Variants in ARHGEF1 observed in about 807,000 individuals in gnomAD.
The protein encoded by ARHGEF1 is 115 kDa guanine nucleotide exchange factor.
In ARHGEF1, 40 loss-of-function variants were observed where a neutral mutation model predicts 119.7. The ratio of observed to expected loss-of-function variants is 0.33; its 90% CI spans 0.26 to 0.44. The LOEUF (loss-of-function observed/expected upper bound fraction) is 0.44. ARHGEF1 is among the 20% of genes least tolerant of loss of function. ARHGEF1 has a pLI of 1.00. For missense variants in ARHGEF1, 976 were observed against 1,268.3 expected, an observed-to-expected ratio of 0.77 and a Z score of 3.50; for synonymous variants, 494 against 521.0, an observed-to-expected ratio of 0.95 and a Z score of 0.71.
Position 41,903,247 on chromosome 19 carries a change from G to A in ARHGEF1, c.1739-60G>A. On this transcript the variant is annotated intron_variant, in intron 18 of 28. Transcript: ENST00000354532. This position sits in a 1 kb window ranked among gnomAD's most constrained non-coding sequence, Gnocchi z 4.2. ...AGCTGTCCTTTGTCTAACCTTGGCT[G>A]CCCAATCTGGAGCCTCCAGGGCAGG... The A allele has an allele frequency of 6.6e-7, 1 of 1,513,750 alleles. No individual in the cohort carries two copies. The highest frequency in any genetic ancestry group is 1.1e-5 in the South Asian group (1 of 88,242). 93.8% of individuals were successfully genotyped at this position (1,513,750 alleles called of 1,614,324 possible).
intron 14 of ARHGEF1, among the ~76,000 whole-genome samples, chr19:41,899,950 T>C (rs1422585332): frequency 6.6e-6 from 1 of 151,664 alleles, no homozygotes; most frequent in African/African-American, 2.4e-5. Context: ...AGCCATGTGC[T>C]ACCCATTAGG....
chr19:41,894,123 A>AGAGTGTGTGTGTGAGTGTGTGT lies in ARHGEF1; in HGVS notation c.645-83_645-82insAGTGTGTGTGTGAGTGTGTGTG, dbSNP rs1555846909. 2.3e-4 allele frequency: 151 copies of AGAGTGTGTGTGTGAGTGTGTGT among 650,248 alleles called. No homozygotes were observed. The African/African-American group carries it at 4.8e-3, about 21-fold the overall frequency. 40.3% of individuals were successfully genotyped at this position (650,248 alleles called of 1,614,324 possible). A position where few individuals can be genotyped will look rare whatever the true frequency, so the allele number is the denominator to read the frequency against. On this transcript the variant is annotated intron_variant, in intron 8 of 28. Transcript: ENST00000354532. ...TCTGCCTCTAGGGGGAGAGAGAGAG[A>AGAGTGTGTGTGTGAGTGTGTGT]GTGTGTGTGTGAGTGTGTGTGTGTG...
chr19:41,921,762 C>T (rs2074843497), upstream of ARHGEF1, among the ~76,000 whole-genome samples: 2 of 151,444 alleles, frequency 1.3e-5, no homozygotes, highest in African/African-American at 2.4e-5. The surrounding 1 kb of genome is among the most constrained non-coding windows in gnomAD (Gnocchi z 4.4). Flanking sequence ...GGCCGGGTGG[C>T]GGGCAGACCT....
intron 14 of ARHGEF1, among the ~76,000 whole-genome samples, chr19:41,899,230 C>T (rs564095486): frequency 1.3e-5 from 2 of 151,974 alleles, no homozygotes; most frequent in Non-Finnish European, 2.9e-5. Context: ...CTCAAGTGAT[C>T]CTCCTACCTC....
At chr19:41,923,130 C>T (rs782376940) in exon 1 of ARHGEF1, 3 of 456,440 alleles carry the variant, frequency 6.6e-6, no homozygotes, top group Middle Eastern at 6.5e-4. Context: ...TAGGAACTGC[C>T]ATGATGGATG....
At chr19:41,915,456 C>G (rs1222896883) in intron 18 of ARHGEF1, among the ~76,000 whole-genome samples, 1 of 151,846 alleles carries the variant, frequency 6.6e-6, no homozygotes, top group African/African-American at 2.4e-5. Flanking sequence ...TCTCTTGGTT[C>G]CCACGTCGTC....
downstream of ARHGEF1, chr19:41,910,000 C>T: frequency 1.9e-6 from 3 of 1,613,810 alleles, no homozygotes; most frequent in Admixed American, 1.7e-5. The surrounding 1 kb of genome is among the most constrained non-coding windows in gnomAD (Gnocchi z 5.2). Context: ...CCTGGTACTC[C>T]TCCTTCTGCA....
upstream of ARHGEF1, among the ~76,000 whole-genome samples, chr19:41,919,537 G>A (rs1158182339): frequency 2.9e-5 from 4 of 138,874 alleles, no homozygotes; most frequent in South Asian, 4.5e-4. Context: ...ACACACACAC[G>A]TCCACATCTG....
intron 18 of ARHGEF1, among the ~76,000 whole-genome samples, chr19:41,914,400 C>T (rs1026042857): frequency 6.6e-5 from 10 of 151,776 alleles, no homozygotes; most frequent in Non-Finnish European, 1.5e-4. Flanking sequence ...CCCTCTCCCT[C>T]TCGTCTCCAT....
At position 41,905,487 on chromosome 19, in the gene ARHGEF1, GTGTA is replaced by G. The variant is rs1448873182; in HGVS notation, c.2336+229_2336+232del. On this transcript the variant is annotated intron_variant, in intron 24 of 28. Coordinates refer to ENST00000354532, the MANE Select transcript of ARHGEF1 (RefSeq NM_004706.4). The surrounding 1 kb of genome is among the most constrained non-coding windows in gnomAD (Gnocchi z 6.4). Reference sequence around the variant, plus strand: ...GCATGTGTGTGCGTGTATGGTGTGTGTGTATGCATATGTGTGCATGCGTGTGACA... The same window carrying G: ...GCATGTGTGTGCGTGTATGGTGTGTGTGCATATGTGTGCATGCGTGTGACA... 2 of 613,838 alleles carry G rather than the reference GTGTA, an allele frequency of 3.3e-6. No individual in the cohort carries two copies. Among genetic ancestry groups the G allele is most frequent in the African/African-American group, 3.7e-5 (2 of 54,060 alleles). 38.0% of individuals were successfully genotyped at this position (613,838 alleles called of 1,614,324 possible). A position where few individuals can be genotyped will look rare whatever the true frequency, so the allele number is the denominator to read the frequency against.
chr19:41,898,868 T>C (rs2074555271), intron 14 of ARHGEF1, among the ~76,000 whole-genome samples: 1 of 152,256 alleles, frequency 6.6e-6, no homozygotes, highest in African/African-American at 2.4e-5. Flanking sequence ...AGCTTTTATT[T>C]CCTTGCTTGT....
At chr19:41,912,896 G>T (rs888001072) in intron 18 of ARHGEF1, 18 of 1,231,572 alleles carry the variant, frequency 1.5e-5, no homozygotes, top group Admixed American at 4.2e-5. Flanking sequence ...CGAAGAGAAG[G>T]TCGGAGACGC....
chr19:41,894,666 TGTACCTGTA>T lies in ARHGEF1; in HGVS notation c.877+7_877+15del. 6.2e-7 allele frequency: 1 copy of T among 1,613,988 alleles called. No individual in the cohort carries two copies. The highest frequency in any genetic ancestry group is 8.5e-7 in the Non-Finnish European group (1 of 1,179,892). On this transcript the variant is annotated splice_donor_region_variant and intron_variant, in intron 11 of 28. Transcript: ENST00000354532. ...ACCTCAAAGCAGAGGTTGATGGTAA[TGTACCTGTA>T]GCCATAGCATCCATACTGGGGGCCT...
rs145959967 is a variant in ARHGEF1, at chr19:41,925,788, G to A, written c.140+2555G>A. Among the ~76,000 whole-genome samples, 10 of 152,258 alleles carry A rather than the reference G, an allele frequency of 6.6e-5. No individual in the cohort carries two copies. In the East Asian group the frequency reaches 1.7e-3, roughly 26 times the overall value. ...AGAGAGGGATGTGAGCGACAGGTGT[G>A]CTCTTAGGTGACCTGTGTGTGGCCA... On this transcript the variant is annotated intron_variant, in intron 1 of 2. Transcript: ENST00000594417.
At chr19:41,927,239 G>T (rs1017510956) in intron 1 of ARHGEF1, among the ~76,000 whole-genome samples, 1 of 152,092 alleles carries the variant, frequency 6.6e-6, no homozygotes, top group Admixed American at 6.5e-5. Context: ...CTGCGACAGT[G>T]GTGGAATGAT....
In ARHGEF1 at chr19:41,889,053, C is replaced by T. The variant is rs968181316; in HGVS notation, c.225+188C>T. The T allele has an allele frequency of 1.7e-6, 1 of 581,396 alleles. No homozygotes were observed. Among genetic ancestry groups the T allele is most frequent in the Admixed American group, 3.0e-5 (1 of 33,030 alleles). 36.0% of individuals were successfully genotyped at this position (581,396 alleles called of 1,614,324 possible). ...AAGCATGCCACGTGACCTCAACAGG[C>T]TTACAAGTGCCCAGGGTAGATCTCA... On this transcript the variant is annotated intron_variant, in intron 4 of 28. Transcript: ENST00000354532. This position sits in a 1 kb window ranked among gnomAD's most constrained non-coding sequence, Gnocchi z 4.0.
chr19:41,922,984 G>C (rs2074850913), upstream of ARHGEF1: 1 of 370,570 alleles, frequency 2.7e-6, no homozygotes, highest in Admixed American at 3.4e-5. Flanking sequence ...TGACAGCCAG[G>C]TGAAGGGAAT....
upstream of ARHGEF1, among the ~76,000 whole-genome samples, chr19:41,919,769 C>G (rs2074827160): frequency 7.1e-6 from 1 of 140,612 alleles, no homozygotes; most frequent in South Asian, 2.1e-4. Context: ...GGGACTGAGC[C>G]TCCTCATCTT....
upstream of ARHGEF1, among the ~76,000 whole-genome samples, chr19:41,922,692 C>T (rs888126875): frequency 8.6e-5 from 13 of 151,124 alleles, no homozygotes; most frequent in Non-Finnish European, 1.2e-4. Context: ...AGCTGGGTGC[C>T]GGGCCACCAG....
Sources: allele counts gnomAD v4.1 joint callset (sites outside exome capture counted in the v4.1 genomes callset), GRCh38; gene constraint gnomAD v4.1.1; non-coding constraint Gnocchi (gnomAD v3.1); transcripts MANE v1.5; gene names NCBI Gene and HGNC (gene_info 2026-07-23, HGNC 2026-07-21).